CTNNA3: variants seen among roughly 807,000 people sequenced by gnomAD.
CTNNA3 encodes catenin alpha 3.
Under a neutral mutation model 95.7 loss-of-function variants are expected in CTNNA3, and 76 were observed. The ratio of observed to expected loss-of-function variants is 0.79; its 90% CI spans 0.66 to 0.96. The LOEUF (loss-of-function observed/expected upper bound fraction) is 0.96, where lower values mean the gene tolerates loss of function less well. Ranked by LOEUF, CTNNA3 falls within the 40% of genes least tolerant of loss-of-function variation. The pLI, the probability that CTNNA3 is intolerant of heterozygous loss-of-function variation, is 0.00. For missense variants in CTNNA3, 1,191 were observed against 1,089.8 expected (o/e 1.09, Z -1.31); for synonymous variants, 431 against 374.4 (o/e 1.15, Z -1.74).
At chr10:67,725,628 C>G (rs1410509110) in intron 1 of CTNNA3, among the ~76,000 whole-genome samples, 1 of 151,086 alleles carries the variant, frequency 6.6e-6, no homozygotes, top group African/African-American at 2.4e-5. Flanking sequence ...TTAACAGAGC[C>G]AAGATAACCA....
At position 65,944,881 on chromosome 10, in the gene CTNNA3, TATCTATCTATCTATCTATC is replaced by T. The variant is rs200384969; in HGVS notation, c.2400+21712_2400+21730del. On this transcript the variant is annotated intron_variant, in intron 17 of 17. Coordinates refer to ENST00000433211, the MANE Select transcript of CTNNA3 (RefSeq NM_013266.4). ...CTATCTATCTATCTATCTATCTATC[TATCTATCTATCTATCTATC>T]ATCTATCTATCATCTATTTATCATC... Among the ~76,000 whole-genome samples the T allele has an allele frequency of 3.7e-3, 558 of 149,018 alleles. 1 individual carries two copies. The highest frequency in any genetic ancestry group is 0.011 in the East Asian group (53 of 5,038).
intron 7 of CTNNA3, among the ~76,000 whole-genome samples, chr10:66,944,886 G>T (rs117945094): frequency 5.3e-5 from 8 of 152,130 alleles, no homozygotes; most frequent in African/African-American, 1.9e-4. Context: ...ACTTTGAAAG[G>T]AATCTTTTTT....
intron 7 of CTNNA3, among the ~76,000 whole-genome samples, chr10:66,855,874 G>A (rs1843666155): frequency 6.6e-6 from 1 of 151,928 alleles, no homozygotes. Flanking sequence ...CATGTCTTCA[G>A]CCTTATCAAT....
intron 13 of CTNNA3, among the ~76,000 whole-genome samples, chr10:66,226,575 C>CT (rs201437965): frequency 0.12 from 16,754 of 138,600 alleles, 1,022 homozygotes; most frequent in Middle Eastern, 0.19. Flanking sequence ...ATTTTTTTTC[C>CT]TTTTTTTTTT....
chr10:66,358,077 T>C (rs1008026837), intron 12 of CTNNA3, among the ~76,000 whole-genome samples: 2 of 152,194 alleles, frequency 1.3e-5, no homozygotes, highest in African/African-American at 2.4e-5. Flanking sequence ...TTAGTGTCCA[T>C]GGTTCTGTAG....
intron 7 of CTNNA3, chr10:67,097,915 A>T (rs998603359): frequency 4.8e-5 from 40 of 838,414 alleles, no homozygotes; most frequent in Non-Finnish European, 6.7e-5. Context: ...CCCTGTTCAA[A>T]TAAACAAAAA....
At chr10:66,629,127 A>G (rs1845044284) in intron 9 of CTNNA3, among the ~76,000 whole-genome samples, 1 of 152,124 alleles carries the variant, frequency 6.6e-6, no homozygotes, top group South Asian at 2.1e-4. Context: ...ATGATATCAT[A>G]TATCAACTGC....
At position 65,988,785 on chromosome 10, in the gene CTNNA3, T is replaced by G. The variant is rs116662854; in HGVS notation, c.2172A>C (p.Pro724=). Residue 724 remains proline, a synonymous_variant, in exon 16 of 18, where the codon CCA becomes CCC. Coordinates refer to ENST00000433211, the MANE Select transcript of CTNNA3 (RefSeq NM_013266.4). ...EMTDFTRGKG[P]LKHTTDVIYA... ...AGATCACATCAGTTGTATGCTTTAG[T>G]GGTCCTTTGCCCCTGGAAAAAAATT... 606 of 1,613,278 alleles carry G rather than the reference T, an allele frequency of 3.8e-4. 5 individuals are homozygous for G. The African/African-American group carries it at 7.0e-3, about 19-fold the overall frequency.
At chr10:67,618,538 C>T (rs1286517431) in intron 2 of CTNNA3, among the ~76,000 whole-genome samples, 1 of 152,188 alleles carries the variant, frequency 6.6e-6, no homozygotes, top group Non-Finnish European at 1.5e-5. Flanking sequence ...TTTTTCACAT[C>T]TACCTTAGAT....
intron 15 of CTNNA3, among the ~76,000 whole-genome samples, chr10:66,055,604 T>A (rs979998965): frequency 6.6e-6 from 1 of 152,174 alleles, no homozygotes; most frequent in Non-Finnish European, 1.5e-5. Context: ...ATCCAGTAAC[T>A]TTTGGGATAG....
At chr10:67,389,765 C>A (rs570440323) in intron 5 of CTNNA3, among the ~76,000 whole-genome samples, 13 of 151,812 alleles carry the variant, frequency 8.6e-5, no homozygotes, top group Middle Eastern at 3.4e-3. Flanking sequence ...TCACTCAAAA[C>A]CGCTCAACTA....
chr10:65,974,571 T>C (rs2078173833), intron 16 of CTNNA3, among the ~76,000 whole-genome samples: 1 of 152,032 alleles, frequency 6.6e-6, no homozygotes, highest in Non-Finnish European at 1.5e-5. Context: ...ATGGCCACAA[T>C]AGAAACTGAG....
intron 17 of CTNNA3, among the ~76,000 whole-genome samples, chr10:65,952,893 C>T (rs1362541354): frequency 6.6e-6 from 1 of 152,132 alleles, no homozygotes; most frequent in African/African-American, 2.4e-5. Flanking sequence ...TTTGGCACAC[C>T]TGCCTCAGGC....
At chr10:67,726,381 TGAAATTA>T (rs1473087424) in intron 1 of CTNNA3, among the ~76,000 whole-genome samples, 1 of 76,238 alleles carries the variant, frequency 1.3e-5, no homozygotes, top group African/African-American at 6.8e-5. Flanking sequence ...ATATTATATA[TGAAATTA>T]TATATATTAT....
In CTNNA3 at chr10:66,845,679, G is replaced by A. The variant is rs527720228; in HGVS notation, c.1048-70155C>T. Among the ~76,000 whole-genome samples the A allele has an allele frequency of 2.1e-4, 17 of 79,436 alleles. No individual in the cohort carries two copies. In the South Asian group the frequency reaches 7.9e-3, roughly 37 times the overall value. The allele number at this position is 79,436 out of a possible 152,430, so 52.1% of individuals were successfully genotyped here. ...GATCGCGCCATTGCACTCCAGCCTGGGTAACAACAGCAAAACTCTGTCTCA... is the reference window on the plus strand; with the variant it reads ...GATCGCGCCATTGCACTCCAGCCTGAGTAACAACAGCAAAACTCTGTCTCA... On this transcript the variant is annotated intron_variant, in intron 7 of 17. Coordinates refer to ENST00000433211, the MANE Select transcript of CTNNA3 (RefSeq NM_013266.4).
chr10:67,182,326 C>G (rs1862594801), intron 6 of CTNNA3, among the ~76,000 whole-genome samples: 2 of 152,252 alleles, frequency 1.3e-5, no homozygotes, highest in East Asian at 3.9e-4. Context: ...CAGCATGGTA[C>G]TGGTACCAAA....
intron 11 of CTNNA3, among the ~76,000 whole-genome samples, chr10:66,391,150 T>C (rs922730264): frequency 6.6e-6 from 1 of 152,188 alleles, no homozygotes. Context: ...GAAAGCTGCT[T>C]ATTCTTTCGC....
chr10:66,727,589 G>A (rs12254338), intron 9 of CTNNA3, among the ~76,000 whole-genome samples: 19,667 of 151,958 alleles, frequency 0.13, 1,554 homozygotes, highest in African/African-American at 0.21. Context: ...TATTTCTTTT[G>A]GAGAAGTTAT....
At chr10:66,678,685 G>C (rs180678485) in intron 9 of CTNNA3, among the ~76,000 whole-genome samples, 1 of 152,130 alleles carries the variant, frequency 6.6e-6, no homozygotes, top group African/African-American at 2.4e-5. Flanking sequence ...AAGAGGCTTA[G>C]TCAGCTCACT....
Sources: gnomAD v4.1 joint callset for allele counts (sites outside exome capture counted in the v4.1 genomes callset) on GRCh38, gnomAD v4.1.1 for gene constraint, MANE v1.5 for transcripts, NCBI Gene and HGNC (gene_info 2026-07-23, HGNC 2026-07-21) for gene names.